DCAF4: variants seen among roughly 807,000 people sequenced by gnomAD.
DCAF4 encodes the protein DDB1- and CUL4-associated factor 4.
In DCAF4, 37 loss-of-function variants were observed where a neutral mutation model predicts 60.9. The observed-to-expected ratio is 0.61, with a 90% CI of 0.47 to 0.80. The LOEUF is 0.80. Among genes scored for constraint, DCAF4 ranks in the 30% least tolerant of loss-of-function variants. The probability of loss-of-function intolerance (pLI) is 0.00; values close to 1 mark genes in which losing one functional copy is unlikely to be tolerated. For synonymous variants in DCAF4, 243 were observed against 254.8 expected (o/e 0.95, Z 0.44); for missense variants, 577 against 650.0 (o/e 0.89, Z 1.22).
chr14:72,952,992 C>CTTTTTTTTTTTTTTTTTT (rs34917327), intron 9 of DCAF4, among the ~76,000 whole-genome samples: 1 of 41,604 alleles, frequency 2.4e-5, no homozygotes, highest in Non-Finnish European at 4.2e-5. Flanking sequence ...AATGCCCGGC[C>CTTTTTTTTTTTTTTTTTT]TTTTTTTTTT....
intron 1 of DCAF4, among the ~76,000 whole-genome samples, chr14:72,936,598 G>A (rs1032721426): frequency 6.6e-6 from 1 of 151,778 alleles, no homozygotes; most frequent in African/African-American, 2.4e-5. Flanking sequence ...CATTTGGGCT[G>A]CAGGGGCAGG....
At position 72,934,584 on chromosome 14, in the gene DCAF4, C is replaced by T. The variant is rs151089443; in HGVS notation, c.-8-3387C>T. On this transcript the variant is annotated intron_variant, in intron 1 of 13. Coordinates refer to ENST00000358377, the MANE Select transcript of DCAF4 (RefSeq NM_015604.4). Reference sequence around the variant, plus strand: ...GGATTACAGGCGTGAACCACCACGCCGGGCTTGCCTGACATTTTCATTCTT... The same window carrying T: ...GGATTACAGGCGTGAACCACCACGCTGGGCTTGCCTGACATTTTCATTCTT... Among the ~76,000 whole-genome samples the T allele has an allele frequency of 4.3e-3, 650 of 152,288 alleles. 6 individuals are homozygous for T. The highest frequency in any genetic ancestry group is 0.015 in the African/African-American group (618 of 41,546).
intron 1 of DCAF4, among the ~76,000 whole-genome samples, chr14:72,936,052 T>C (rs969393327): frequency 6.6e-6 from 1 of 152,124 alleles, no homozygotes; most frequent in African/African-American, 2.4e-5. Context: ...CTCCCAAAAG[T>C]GCTGGGATTA....
At position 72,939,874 on chromosome 14, in the gene DCAF4, T is replaced by C; in HGVS notation, c.165T>C (p.Ser55=). ...HGDDESPSTS[S]GTAGTSSVPE... ...ATGACGAGTCTCCGTCAACCTCGTC[T>C]GGCACAGCTGGGACCTCCTCTGTGC... Residue 55 remains serine (S), a synonymous_variant, in exon 3 of 14, where the codon TCT becomes TCC. Coordinates refer to ENST00000358377, the MANE Select transcript of DCAF4 (RefSeq NM_015604.4). The C allele has an allele frequency of 6.2e-7, 1 of 1,611,120 alleles. No individual in the cohort carries two copies. The highest frequency in any genetic ancestry group is 8.5e-7 in the Non-Finnish European group (1 of 1,178,756).
rs917708957 is a variant in DCAF4 at position 72,959,667 on chromosome 14, C to T, written c.*862C>T. On this transcript the variant is annotated 3_prime_UTR_variant, in exon 14 of 14. Coordinates refer to ENST00000358377, the MANE Select transcript of DCAF4 (RefSeq NM_015604.4). ...AAGAATCATGGTGTGACATGCACTTCTGTGAATGACTTAGGAGATCATGAG... is the reference window on the plus strand; with the variant it reads ...AAGAATCATGGTGTGACATGCACTTTTGTGAATGACTTAGGAGATCATGAG... The T allele has an allele frequency of 3.0e-6, 3 of 985,096 alleles. No individual in the cohort carries two copies. The highest frequency in any genetic ancestry group is 1.7e-5 in the African/African-American group (1 of 57,224). The allele number at this position is 985,096 out of a possible 1,614,324, so 61.0% of individuals were successfully genotyped here.
intron 13 of DCAF4, chr14:72,957,749 A>G (rs1269495496): frequency 6.6e-6 from 1 of 152,214 alleles, no homozygotes; most frequent in African/African-American, 2.4e-5. Flanking sequence ...GAGCCACACA[A>G]GTGATCAGAA....
At chr14:72,938,972 G>T (rs1386126282) in intron 2 of DCAF4, among the ~76,000 whole-genome samples, 1 of 151,952 alleles carries the variant, frequency 6.6e-6, no homozygotes, top group East Asian at 2.0e-4. Context: ...GAGCTCAAGT[G>T]ATCCTTCTGC....
chr14:72,956,517 G>C lies in DCAF4; in HGVS notation c.1294+17G>C. The C allele has an allele frequency of 6.3e-7, 1 of 1,599,606 alleles. No individual in the cohort carries two copies. The highest frequency in any genetic ancestry group is 8.5e-7 in the Non-Finnish European group (1 of 1,172,570). On this transcript the variant is annotated intron_variant, in intron 13 of 13. Transcript: ENST00000358377. Reference sequence around the variant, plus strand: ...TGGTGGCAGGTACTTGAGGAAGGAAGGGGAAGTTCCACCCCATCAAATACT... The same window carrying C: ...TGGTGGCAGGTACTTGAGGAAGGAACGGGAAGTTCCACCCCATCAAATACT...
intron 6 of DCAF4, among the ~76,000 whole-genome samples, chr14:72,945,515 A>G (rs1890618439): frequency 1.3e-5 from 2 of 150,156 alleles, no homozygotes; most frequent in South Asian, 4.2e-4. Context: ...AGGAACTAGC[A>G]TTTTTCCTAT....
chr14:72,939,668 G>A lies in DCAF4; in HGVS notation c.93-134G>A. 6 of 645,458 alleles carry A rather than the reference G, an allele frequency of 9.3e-6. No individual in the cohort carries two copies. In the South Asian group the frequency reaches 1.5e-4, roughly 16 times the overall value. 40.0% of individuals were successfully genotyped at this position (645,458 alleles called of 1,614,324 possible). A position where few individuals can be genotyped will look rare whatever the true frequency, so the allele number is the denominator to read the frequency against. Reference sequence around the variant, plus strand: ...GTTGTATTTGCAAGAGGGGATCAGTGCTTCTCAAGTAATCAGAAAGGTCAG... The same window carrying A: ...GTTGTATTTGCAAGAGGGGATCAGTACTTCTCAAGTAATCAGAAAGGTCAG... On this transcript the variant is annotated intron_variant, in intron 2 of 13. Coordinates refer to ENST00000358377, the MANE Select transcript of DCAF4 (RefSeq NM_015604.4).
rs116380659 is a variant in DCAF4, at chr14:72,942,814, T to C, written c.432-180T>C. 1.9e-3 allele frequency: 1,154 copies of C among 598,704 alleles called. 13 individuals carry two copies. The highest frequency in any genetic ancestry group is 0.019 in the African/African-American group (1,013 of 53,738). 37.1% of individuals were successfully genotyped at this position (598,704 alleles called of 1,614,324 possible). ...TTCATTTTCATCTTCCTGAGCGTTC[T>C]GTGGGGAAACTCAAATTCGGATAAT... On this transcript the variant is annotated intron_variant, in intron 5 of 13. Transcript: ENST00000358377.
At chr14:72,929,655 T>G (rs948404385) in intron 1 of DCAF4, 2 of 1,332,396 alleles carry the variant, frequency 1.5e-6, no homozygotes, top group African/African-American at 1.4e-5. Context: ...AGCCAGTACC[T>G]TGCTCAGCTC....
rs374771295 is a variant in DCAF4 at position 72,947,245 on chromosome 14, A to G, written c.728+54A>G. 1.1e-4 allele frequency: 170 copies of G among 1,600,668 alleles called. 1 individual carries two copies. The Admixed American group carries it at 1.4e-3, about 13-fold the overall frequency. On this transcript the variant is annotated intron_variant, in intron 8 of 13. Coordinates refer to ENST00000358377, the MANE Select transcript of DCAF4 (RefSeq NM_015604.4). The stretch of plus-strand genomic sequence containing the variant: ...TGGGCAGGCCACACCCTGACGTTGG[A>G]CCTGGGTATCTGTGGGCTTCATGAC...
At chr14:72,948,432 T>G (rs1257734710) in intron 8 of DCAF4, among the ~76,000 whole-genome samples, 2 of 152,204 alleles carry the variant, frequency 1.3e-5, no homozygotes, top group Non-Finnish European at 2.9e-5. Flanking sequence ...CTATGTGTGT[T>G]CTCTAAATTG....
chr14:72,944,469 A>G (rs1350121660), intron 6 of DCAF4, among the ~76,000 whole-genome samples: 3 of 152,214 alleles, frequency 2.0e-5, no homozygotes, highest in Admixed American at 6.5e-5. Context: ...AATTAACCAC[A>G]TCATGTTTTA....
At position 72,956,404 on chromosome 14, in the gene DCAF4, A is replaced by G. The variant is rs1169690930; in HGVS notation, c.1198A>G (p.Arg400Gly). The change falls in exon 13 of 14, where the codon AGG (arginine) becomes GGG (glycine). Residue 400 changes from arginine to glycine, a missense_variant. By Grantham distance (125) the Arg-to-Gly change is moderately radical. Transcript: ENST00000358377. ...MAGKIKLWDL[R>G]TTKCVRQYEG... ...TCCACAGATCAAGCTGTGGGACCTG[A>G]GGACCACGAAGTGCGTAAGGCAGTA... 6.2e-7 allele frequency: 1 copy of G among 1,610,710 alleles called. No homozygotes were observed. The highest frequency in any genetic ancestry group is 8.5e-7 in the Non-Finnish European group (1 of 1,178,294).
chr14:72,949,070 C>T (rs1446355447), intron 8 of DCAF4, among the ~76,000 whole-genome samples: 1 of 152,182 alleles, frequency 6.6e-6, no homozygotes, highest in Non-Finnish European at 1.5e-5. Context: ...ACAGTTTCAG[C>T]ACCTGGTATA....
intron 3 of DCAF4, 24 bp from the exon 4 acceptor site, chr14:72,940,196 T>A: frequency 6.2e-7 from 1 of 1,613,586 alleles, no homozygotes; most frequent in Non-Finnish European, 8.5e-7. Context: ...TTGAAATTGG[T>A]GCATTTAATT....
At chr14:72,961,744 A>C, downstream of DCAF4, 1 of 795,914 alleles carries the variant, frequency 1.3e-6, no homozygotes, top group Non-Finnish European at 1.5e-6. Flanking sequence ...GGGCATGGGG[A>C]ATGCAGTGAC....
Sources: gnomAD v4.1 joint callset for allele counts (sites outside exome capture counted in the v4.1 genomes callset) on GRCh38, gnomAD v4.1.1 for gene constraint, MANE v1.5 for transcripts, NCBI Gene and HGNC (gene_info 2026-07-23, HGNC 2026-07-21) for gene names.